The following CENPP variants were observed in gnomAD, a reference collection of about 807,000 sequenced individuals.
CENPP encodes centromere protein P.
Under a neutral mutation model 35.6 loss-of-function variants are expected in CENPP, and 24 were observed. The observed-to-expected ratio is 0.67, with a 90% CI of 0.49 to 0.95. The LOEUF is 0.95. CENPP is among the 40% of genes least tolerant of loss of function. The pLI, the probability that CENPP is intolerant of heterozygous loss-of-function variation, is 0.00. For missense variants in CENPP, 332 were observed against 345.3 expected (o/e 0.96, Z 0.31); for synonymous variants, 120 against 125.5 (o/e 0.96, Z 0.29).
At chr9:92,403,454 C>G (rs1405689987) in intron 5 of CENPP, 4 of 1,557,016 alleles carry the variant, frequency 2.6e-6, no homozygotes, top group Non-Finnish European at 3.5e-6. Context: ...TAGTGGCCTG[C>G]TGACTGTGGG....
At chr9:92,589,232 G>A (rs891177430) in intron 5 of CENPP, among the ~76,000 whole-genome samples, 20 of 151,722 alleles carry the variant, frequency 1.3e-4, no homozygotes, top group South Asian at 4.2e-4. Flanking sequence ...CCAGTGCACC[G>A]TCACTAGGGA....
At chr9:92,583,733 G>T (rs1850483461) in intron 5 of CENPP, among the ~76,000 whole-genome samples, 1 of 152,078 alleles carries the variant, frequency 6.6e-6, no homozygotes, top group Non-Finnish European at 1.5e-5. Flanking sequence ...TTTCAAGCAG[G>T]CTTTAGTGAA....
chr9:92,326,124 T>A lies in CENPP; in HGVS notation c.107+19T>A. The A allele has an allele frequency of 6.8e-7, 1 of 1,481,448 alleles. No homozygotes were observed. The highest frequency in any genetic ancestry group is 9.1e-7 in the Non-Finnish European group (1 of 1,094,990). 91.8% of individuals were successfully genotyped at this position (1,481,448 alleles called of 1,614,324 possible). ...GAGTCCAGTACGTGACCACCCCAAG[T>A]CCCCCAGGGCCCGCTGGCCAGGGTT... On this transcript the variant is annotated intron_variant, in intron 1 of 7. Transcript: ENST00000375587.
At chr9:92,503,200 T>A (rs2131160863) in intron 5 of CENPP, among the ~76,000 whole-genome samples, 1 of 152,356 alleles carries the variant, frequency 6.6e-6, no homozygotes, top group East Asian at 1.9e-4. Context: ...AGAAATGGCA[T>A]ACCAAAATAA....
intron 4 of CENPP, among the ~76,000 whole-genome samples, chr9:92,370,716 A>T (rs1258957662): frequency 6.6e-6 from 1 of 152,174 alleles, no homozygotes; most frequent in Non-Finnish European, 1.5e-5. Context: ...TCCTGTCCTC[A>T]GGTGATCCAC....
intron 5 of CENPP, among the ~76,000 whole-genome samples, chr9:92,609,906 A>G (rs761198465): frequency 4.0e-5 from 6 of 151,806 alleles, no homozygotes; most frequent in Non-Finnish European, 7.4e-5. Flanking sequence ...ACGCCCAGCT[A>G]ATTTTTTTTA....
rs1290932793 is a variant in CENPP at position 92,618,199 on chromosome 9, G to A, written c.*5050G>A. 1 of 456,248 alleles carries A rather than the reference G, an allele frequency of 2.2e-6. No homozygotes were observed. Among genetic ancestry groups the A allele is most frequent in the East Asian group, 6.9e-5 (1 of 14,398 alleles). 28.3% of individuals were successfully genotyped at this position (456,248 alleles called of 1,614,324 possible). A position where few individuals can be genotyped will look rare whatever the true frequency, so the allele number is the denominator to read the frequency against. On this transcript the variant is annotated 3_prime_UTR_variant, in exon 8 of 8. Transcript: ENST00000375587. ...GCCTTCTCTGAGATCCTCTCCTTTT[G>A]TTGAGAAAGGCCTGGCTAGAGTGCT...
chr9:92,579,490 G>A (rs954424582), intron 5 of CENPP, among the ~76,000 whole-genome samples: 32 of 151,884 alleles, frequency 2.1e-4, no homozygotes, highest in Non-Finnish European at 3.5e-4. Flanking sequence ...GCAGTGGTTT[G>A]TAGTTCTCCT....
chr9:92,584,017 GCTGT>G (rs1378977685), intron 5 of CENPP, among the ~76,000 whole-genome samples: 1 of 152,166 alleles, frequency 6.6e-6, no homozygotes, highest in Non-Finnish European at 1.5e-5. Context: ...CAAGCATTGT[GCTGT>G]CTGTCAAATA....
At chr9:92,367,078 C>T (rs879070227) in intron 4 of CENPP, among the ~76,000 whole-genome samples, 1 of 152,316 alleles carries the variant, frequency 6.6e-6, no homozygotes, top group East Asian at 1.9e-4. Flanking sequence ...GAAATCATAT[C>T]AGATTCTAAA....
At position 92,565,293 on chromosome 9, in the gene CENPP, TAAAAAAAAAAAAAAAA is replaced by T. The variant is rs3078380; in HGVS notation, c.565-46006_565-45991del. ...ACTAACACTATGATAGCTGATGAGC[TAAAAAAAAAAAAAAAA>T]AAAAAAAAAAAAAATCATAATGTTT... On this transcript the variant is annotated intron_variant, in intron 5 of 7. Coordinates refer to ENST00000375587, the MANE Select transcript of CENPP (RefSeq NM_001012267.3). Among the ~76,000 whole-genome samples, 40 of 33,160 alleles carry T rather than the reference TAAAAAAAAAAAAAAAA, an allele frequency of 1.2e-3. 1 individual carries two copies. In the South Asian group the frequency reaches 0.064, roughly 53 times the overall value. 21.8% of individuals were successfully genotyped at this position (33,160 alleles called of 152,430 possible). A position where few individuals can be genotyped will look rare whatever the true frequency, so the allele number is the denominator to read the frequency against.
intron 5 of CENPP, among the ~76,000 whole-genome samples, chr9:92,520,238 G>A (rs185245683): frequency 2.6e-5 from 4 of 151,672 alleles, no homozygotes; most frequent in Non-Finnish European, 4.4e-5. Context: ...AGCTATGATT[G>A]TACCACCGTA....
At chr9:92,447,425 G>A (rs975961369) in intron 5 of CENPP, among the ~76,000 whole-genome samples, 5 of 152,024 alleles carry the variant, frequency 3.3e-5, no homozygotes, top group African/African-American at 1.2e-4. Flanking sequence ...TCATAATAGG[G>A]TTTGCACTCC....
At chr9:92,518,400 C>T (rs1163139777) in intron 5 of CENPP, among the ~76,000 whole-genome samples, 1 of 152,128 alleles carries the variant, frequency 6.6e-6, no homozygotes, top group Non-Finnish European at 1.5e-5. Flanking sequence ...AGCCGCCAGC[C>T]AATCCAGTTC....
rs1262225723 is a variant in CENPP at position 92,533,329 on chromosome 9, ATATATATAT to A, written c.565-77984_565-77976del. On this transcript the variant is annotated intron_variant, in intron 5 of 7. Coordinates refer to ENST00000375587, the MANE Select transcript of CENPP (RefSeq NM_001012267.3). The stretch of plus-strand genomic sequence containing the variant: ...AAAAAAAAAAAAAAAAAAAAAAAAA[ATATATATAT>A]ATATATATATATATATATATGCTTT... Among the ~76,000 whole-genome samples, 56 of 43,534 alleles carry A rather than the reference ATATATATAT, an allele frequency of 1.3e-3. No individual in the cohort carries two copies. In the East Asian group the frequency reaches 0.022, roughly 17 times the overall value. 28.6% of individuals were successfully genotyped at this position (43,534 alleles called of 152,430 possible).
intron 5 of CENPP, among the ~76,000 whole-genome samples, chr9:92,567,397 G>GATATAT (rs762810461): frequency 3.9e-5 from 2 of 51,584 alleles, no homozygotes; most frequent in African/African-American, 9.2e-5. Flanking sequence ...TATATATATA[G>GATATAT]ATATATATAT....
chr9:92,536,085 T>A, intron 5 of CENPP: 1 of 484,800 alleles, frequency 2.1e-6, no homozygotes, highest in Non-Finnish European at 4.1e-6. Flanking sequence ...CTAAAATAAC[T>A]GCCTCCCTTG....
chr9:92,573,470 C>T (rs1850201039), intron 5 of CENPP, among the ~76,000 whole-genome samples: 1 of 152,192 alleles, frequency 6.6e-6, no homozygotes, highest in South Asian at 2.1e-4. Context: ...AGCTTTGTCT[C>T]AGAGGGGCAC....
At chr9:92,487,445 A>C (rs975593185) in intron 5 of CENPP, among the ~76,000 whole-genome samples, 2 of 152,242 alleles carry the variant, frequency 1.3e-5, no homozygotes, top group African/African-American at 4.8e-5. Flanking sequence ...ATTATAACAC[A>C]TACAATACTA....
Sources: gnomAD v4.1 joint callset for allele counts (sites outside exome capture counted in the v4.1 genomes callset) on GRCh38, gnomAD v4.1.1 for gene constraint, MANE v1.5 for transcripts, NCBI Gene and HGNC (gene_info 2026-07-23, HGNC 2026-07-21) for gene names.